CTNNA2: variants seen among roughly 807,000 people sequenced by gnomAD.
The protein encoded by CTNNA2 is catenin alpha 2, also known as catenin alpha-2.
A neutral mutation model predicts 101.0 loss-of-function variants in CTNNA2; 42 were observed. The observed-to-expected ratio is 0.42, with a 90% CI of 0.32 to 0.54. The LOEUF is 0.54. Among genes scored for constraint, CTNNA2 ranks in the 20% least tolerant of loss-of-function variants. The pLI is 0.14. For synonymous variants in CTNNA2, 450 were observed against 456.4 expected, an observed-to-expected ratio of 0.99 and a Z score of 0.18; for missense variants, 871 against 1,223.1, an observed-to-expected ratio of 0.71 and a Z score of 4.29.
At chr2:80,251,923 C>T (rs756923708) in intron 7 of CTNNA2, among the ~76,000 whole-genome samples, 9 of 152,134 alleles carry the variant, frequency 5.9e-5, no homozygotes, top group South Asian at 2.1e-4. Context: ...AAAATGTCAG[C>T]GTTTTAAATG....
intron 18 of CTNNA2, among the ~76,000 whole-genome samples, chr2:80,643,192 G>A (rs1325860241): frequency 1.3e-5 from 2 of 152,164 alleles, no homozygotes; most frequent in East Asian, 3.9e-4. Flanking sequence ...GCAGATCTTG[G>A]TAGATTTTGA....
intron 7 of CTNNA2, among the ~76,000 whole-genome samples, chr2:79,922,629 T>C (rs1324324142): frequency 6.8e-6 from 1 of 146,610 alleles, no homozygotes; most frequent in African/African-American, 2.5e-5. Context: ...TTTAAAACCA[T>C]ATCAGTTTTT....
intron 1 of CTNNA2, chr2:79,575,616 T>C (rs1208834338): frequency 1.3e-5 from 2 of 152,304 alleles, no homozygotes; most frequent in Non-Finnish European, 2.9e-5. Context: ...CACAGGCTGC[T>C]TGATGTAGGC....
chr2:79,714,845 C>G (rs553905255), intron 2 of CTNNA2, among the ~76,000 whole-genome samples: 10 of 152,074 alleles, frequency 6.6e-5, no homozygotes, highest in African/African-American at 2.2e-4. Context: ...TGTTAATCAA[C>G]TAGCATGGCA....
At chr2:79,562,915 T>G (rs908868610) in intron 1 of CTNNA2, among the ~76,000 whole-genome samples, 1 of 151,822 alleles carries the variant, frequency 6.6e-6, no homozygotes, top group Non-Finnish European at 1.5e-5. Flanking sequence ...GTGACAGAGA[T>G]AAAGAGAGAA....
rs970757818 is a variant in CTNNA2, at chr2:80,355,702, G to A, written c.1057-37509G>A. Among the ~76,000 whole-genome samples, 11 of 152,170 alleles carry A rather than the reference G, an allele frequency of 7.2e-5. No homozygotes were observed. In the East Asian group the frequency reaches 1.2e-3, roughly 16 times the overall value. On this transcript the variant is annotated intron_variant, in intron 7 of 18. Coordinates refer to ENST00000402739, the MANE Select transcript of CTNNA2 (RefSeq NM_001282597.3). The stretch of plus-strand genomic sequence containing the variant: ...CATTTCTCATCAGCAAAGATGCTCC[G>A]TTGTATATGATGAACTTTTCTATTT...
At chr2:79,923,409 T>G (rs1177806860) in intron 7 of CTNNA2, among the ~76,000 whole-genome samples, 1 of 151,672 alleles carries the variant, frequency 6.6e-6, no homozygotes, top group African/African-American at 2.4e-5. Flanking sequence ...CTTGCAATTT[T>G]GAGTAGGAGA....
chr2:79,575,577 T>C (rs1675743452), intron 1 of CTNNA2: 1 of 152,368 alleles, frequency 6.6e-6, no homozygotes, highest in Non-Finnish European at 1.5e-5. Context: ...GTGGAATTGC[T>C]GCTGTCTCTA....
At chr2:80,507,887 A>C (rs905961257) in intron 9 of CTNNA2, among the ~76,000 whole-genome samples, 4 of 152,174 alleles carry the variant, frequency 2.6e-5, no homozygotes, top group African/African-American at 9.7e-5. Flanking sequence ...CTCAACTGGC[A>C]TTGATGGGTG....
intron 7 of CTNNA2, among the ~76,000 whole-genome samples, chr2:80,224,127 C>T (rs2149060638): frequency 6.6e-6 from 1 of 152,182 alleles, no homozygotes; most frequent in East Asian, 1.9e-4. Flanking sequence ...TTCTCATGTC[C>T]CTAGAGCTTA....
At chr2:79,372,994 A>G (rs1421839927) in intron 3 of CTNNA2, among the ~76,000 whole-genome samples, 1 of 152,238 alleles carries the variant, frequency 6.6e-6, no homozygotes, top group Non-Finnish European at 1.5e-5. Flanking sequence ...GGACAGCAGC[A>G]TAGTATAGGA....
chr2:79,472,238 A>G (rs1671007787), intron 4 of CTNNA2, among the ~76,000 whole-genome samples: 2 of 152,360 alleles, frequency 1.3e-5, no homozygotes, highest in South Asian at 2.1e-4. Context: ...GACAAGTTCT[A>G]TGAGAACTGA....
intron 9 of CTNNA2, among the ~76,000 whole-genome samples, chr2:80,482,903 C>T (rs1280150978): frequency 1.3e-5 from 2 of 152,202 alleles, no homozygotes; most frequent in South Asian, 2.1e-4. Context: ...TCCCTGGTGC[C>T]TTCCAGAAAT....
intron 7 of CTNNA2, among the ~76,000 whole-genome samples, chr2:80,350,144 A>G (rs1479289740): frequency 6.6e-6 from 1 of 152,108 alleles, no homozygotes; most frequent in Non-Finnish European, 1.5e-5. Context: ...CTTCAGATCT[A>G]GGGGTGTGCT....
intron 7 of CTNNA2, among the ~76,000 whole-genome samples, chr2:80,109,321 C>G (rs1220681042): frequency 6.6e-6 from 1 of 152,078 alleles, no homozygotes; most frequent in Non-Finnish European, 1.5e-5. Flanking sequence ...ATTAGCCAGG[C>G]ATGGTGGAGA....
Position 79,358,345 on chromosome 2 carries a change from G to A in CTNNA2, c.-317-15486G>A, listed in dbSNP as rs544229204. ...CTCCCAAGTAGCTGGGGTTATAGGC[G>A]TCAGCCACCACACCTGGCTAATTCT... is the stretch of plus-strand genomic sequence containing the variant. On this transcript the variant is annotated intron_variant, in intron 3 of 21. Coordinates refer to the CTNNA2 transcript ENST00000466387. Among the ~76,000 whole-genome samples, 11 of 151,982 alleles carry A rather than the reference G, an allele frequency of 7.2e-5. No homozygotes were observed. In the South Asian group the frequency reaches 1.0e-3, roughly 14 times the overall value.
chr2:79,728,361 G>A (rs917053146), intron 2 of CTNNA2, among the ~76,000 whole-genome samples: 1 of 152,140 alleles, frequency 6.6e-6, no homozygotes, highest in Non-Finnish European at 1.5e-5. Context: ...GTATCTTTTG[G>A]CTGCATAAAT....
chr2:80,255,630 G>A (rs1022617021), intron 7 of CTNNA2, among the ~76,000 whole-genome samples: 4 of 152,040 alleles, frequency 2.6e-5, no homozygotes, highest in African/African-American at 9.7e-5. Flanking sequence ...CTCTCCTACC[G>A]CAACTTTGTT....
intron 14 of CTNNA2, among the ~76,000 whole-genome samples, chr2:80,585,868 G>C (rs1695930666): frequency 6.6e-6 from 1 of 152,144 alleles, no homozygotes; most frequent in Non-Finnish European, 1.5e-5. Flanking sequence ...TTTAGGAAGA[G>C]ACTTCAGCTC....
Sources: gnomAD v4.1 joint callset for allele counts (sites outside exome capture counted in the v4.1 genomes callset) on GRCh38, gnomAD v4.1.1 for gene constraint, MANE v1.5 for transcripts, NCBI Gene and HGNC (gene_info 2026-07-23, HGNC 2026-07-21) for gene names.